Variants in DLGAP4 observed in about 807,000 individuals in gnomAD.
The protein encoded by DLGAP4 is disks large-associated protein 4.
DLGAP4 carries 18 observed loss-of-function variants against 86.9 expected under a neutral mutation model. The ratio of observed to expected loss-of-function variants is 0.21; its 90% CI spans 0.14 to 0.31. DLGAP4 has a LOEUF of 0.31. DLGAP4 is among the 10% of genes least tolerant of loss of function. DLGAP4 has a pLI of 1.00. For missense variants in DLGAP4, 1,085 were observed against 1,362.6 expected (o/e 0.80, Z 3.21); for synonymous variants, 548 against 574.3 (o/e 0.95, Z 0.65).
rs545260216 is a variant in DLGAP4 at position 36,354,803 on chromosome 20, G to A, written c.-303-12242G>A. Among the ~76,000 whole-genome samples, 478 of 152,134 alleles carry A rather than the reference G, an allele frequency of 3.1e-3. 3 individuals are homozygous for A. The highest frequency in any genetic ancestry group is 0.011 in the African/African-American group (465 of 41,492). On this transcript the variant is annotated intron_variant, in intron 1 of 12. Coordinates refer to ENST00000339266, the MANE Select transcript of DLGAP4 (RefSeq NM_001365621.2). Reference sequence around the variant, plus strand: ...AAGAAAAGAAAAAAATTGGCCAGGCGTGGTGGCGTGTGCCTGTAGTCCCAG... The same window carrying A: ...AAGAAAAGAAAAAAATTGGCCAGGCATGGTGGCGTGTGCCTGTAGTCCCAG...
At chr20:36,486,140 T>C (rs1381812200) in intron 7 of DLGAP4, among the ~76,000 whole-genome samples, 2 of 152,196 alleles carry the variant, frequency 1.3e-5, no homozygotes. Flanking sequence ...TCAGTAAATA[T>C]TTACTGAGCC....
At chr20:36,447,241 C>A (rs1319507577) in intron 7 of DLGAP4, among the ~76,000 whole-genome samples, 5 of 152,136 alleles carry the variant, frequency 3.3e-5, no homozygotes, top group African/African-American at 4.8e-5. Flanking sequence ...CTGCTATAGT[C>A]AGGGCTTACT....
At chr20:36,457,925 A>G in intron 7 of DLGAP4, among the ~76,000 whole-genome samples, 1 of 151,206 alleles carries the variant, frequency 6.6e-6, no homozygotes, top group Non-Finnish European at 1.5e-5. Context: ...GAGCCACCAC[A>G]CCCGGATTGA....
intron 7 of DLGAP4, among the ~76,000 whole-genome samples, chr20:36,488,975 A>G (rs1340274853): frequency 1.3e-5 from 2 of 152,356 alleles, no homozygotes; most frequent in East Asian, 1.9e-4. Context: ...ACTTTTCTCC[A>G]TAAGGGACAT....
At chr20:36,497,425 C>T in intron 8 of DLGAP4, 8 of 1,105,762 alleles carry the variant, frequency 7.2e-6, no homozygotes, top group Non-Finnish European at 8.9e-6. Flanking sequence ...GCGGGACTGG[C>T]CTAACAGTTC....
intron 3 of DLGAP4, among the ~76,000 whole-genome samples, chr20:36,433,036 C>G (rs1262533806): frequency 6.6e-6 from 1 of 152,164 alleles, no homozygotes; most frequent in African/African-American, 2.4e-5. Context: ...ATTCTAATTG[C>G]CAGCCTCTCC....
intron 1 of DLGAP4, among the ~76,000 whole-genome samples, chr20:36,323,240 T>A (rs938664100): frequency 2.7e-5 from 4 of 145,728 alleles, no homozygotes; most frequent in Non-Finnish European, 6.1e-5. Context: ...AAAGGCTCTG[T>A]CTTGCCTTTT....
chr20:36,461,658 G>GCCCCCCC (rs770849804), intron 7 of DLGAP4: 17 of 274,470 alleles, frequency 6.2e-5, no homozygotes, highest in Non-Finnish European at 8.4e-5. Context: ...GACGGGGGCC[G>GCCCCCCC]CCCCGCCCGG....
At chr20:36,439,696 C>A in intron 4 of DLGAP4, 58 bp from the exon 5 acceptor site, 1 of 1,509,578 alleles carries the variant, frequency 6.6e-7, no homozygotes, top group Non-Finnish European at 9.1e-7. Flanking sequence ...TCAAGGCCTC[C>A]AAAAGCTGGG....
Position 36,436,237 on chromosome 20 carries a change from G to C in DLGAP4, c.1128G>C (p.Glu376Asp). 1 of 1,605,772 alleles carries C rather than the reference G, an allele frequency of 6.2e-7. No homozygotes were observed. The highest frequency in any genetic ancestry group is 8.5e-7 in the Non-Finnish European group (1 of 1,179,468). The change falls in exon 4 of 13, where the codon GAG becomes GAC. Residue 376 changes from glutamate to aspartate, a missense_variant. Around this residue, in one of 2 missense-constraint regions of DLGAP4, gnomAD observed 1,082 missense variants for 1,344.1 expected, o/e 0.81. Transcript: ENST00000339266. ...GCTACATCAAGGCCATGGGCGACGAGGACAGCGACGAGTCCGGCGGCAGCC... is the reference window on the plus strand; with the variant it reads ...GCTACATCAAGGCCATGGGCGACGACGACAGCGACGAGTCCGGCGGCAGCC... ...SGSYIKAMGD[E>D]DSDESGGSPK... is the part of the protein sequence containing the mutation.
intron 1 of DLGAP4, among the ~76,000 whole-genome samples, chr20:36,356,159 T>G (rs1047114438): frequency 9.2e-5 from 14 of 152,240 alleles, no homozygotes; most frequent in Non-Finnish European, 1.8e-4. Flanking sequence ...TAGGATGTAA[T>G]TGACACATGG....
Position 36,436,288 on chromosome 20 carries a change from G to T in DLGAP4, c.1179G>T (p.Ala393=). The T allele has an allele frequency of 6.2e-7, 1 of 1,604,912 alleles. No homozygotes were observed. ...GSPKPSPKTA[A]RRQSYLRATQ... Reference sequence around the variant, plus strand: ...CCAAGCCCTCACCCAAGACCGCGGCGCGGCGCCAGAGCTATCTGAGGGCCA... The same window carrying T: ...CCAAGCCCTCACCCAAGACCGCGGCTCGGCGCCAGAGCTATCTGAGGGCCA... Residue 393 remains alanine, a synonymous_variant, in exon 4 of 13, where the codon GCG becomes GCT. Coordinates refer to ENST00000339266, the MANE Select transcript of DLGAP4 (RefSeq NM_001365621.2).
In DLGAP4 at chr20:36,431,242, G is replaced by C. The variant is rs563662247; in HGVS notation, c.-72-404G>C. Among the ~76,000 whole-genome samples the C allele has an allele frequency of 2.6e-5, 4 of 152,248 alleles. No homozygotes were observed. The South Asian group carries it at 8.3e-4, about 32-fold the overall frequency. On this transcript the variant is annotated intron_variant, in intron 2 of 12. Transcript: ENST00000339266. This position sits in a 1 kb window ranked among gnomAD's most constrained non-coding sequence, Gnocchi z 5.1. ...CTGTGGACAGAGCTAGGAGATGTGG[G>C]CTGGGGTATTTGCATCTATGTGGAC... is the stretch of plus-strand genomic sequence containing the variant.
chr20:36,423,104 C>T (rs2032873214), intron 2 of DLGAP4, among the ~76,000 whole-genome samples: 1 of 152,114 alleles, frequency 6.6e-6, no homozygotes, highest in Non-Finnish European at 1.5e-5. Context: ...GAGGAGGAAA[C>T]TGAGGCACAG....
intron 1 of DLGAP4, among the ~76,000 whole-genome samples, chr20:36,359,188 C>T (rs1212833920): frequency 6.6e-6 from 1 of 152,156 alleles, no homozygotes; most frequent in Admixed American, 6.5e-5. Context: ...GGCACGATCT[C>T]GGCTCACTGT....
At chr20:36,380,182 C>G (rs1209013479) in intron 2 of DLGAP4, among the ~76,000 whole-genome samples, 1 of 149,834 alleles carries the variant, frequency 6.7e-6, no homozygotes, top group Non-Finnish European at 1.5e-5. Context: ...GACCCCATCT[C>G]TACAAAAAAT....
intron 1 of DLGAP4, among the ~76,000 whole-genome samples, chr20:36,354,654 C>T (rs1223993842): frequency 6.6e-6 from 1 of 152,172 alleles, no homozygotes; most frequent in Non-Finnish European, 1.5e-5. Context: ...TTGCTGGGCA[C>T]AGTGGCTTGT....
chr20:36,522,976 T>C (rs1451220231), intron 10 of DLGAP4, among the ~76,000 whole-genome samples: 1 of 152,156 alleles, frequency 6.6e-6, no homozygotes, highest in Non-Finnish European at 1.5e-5. Context: ...CCCAAGTAGC[T>C]GGGGCTACAG....
rs576834912 is a variant in DLGAP4, at chr20:36,505,974, G to A, written c.2512+5363G>A. 6.2e-4 allele frequency among the ~76,000 whole-genome samples: 95 copies of A among 152,260 alleles called. 1 individual carries two copies. The highest frequency in any genetic ancestry group is 7.2e-4 in the Non-Finnish European group (49 of 68,024). On this transcript the variant is annotated intron_variant, in intron 10 of 12. Coordinates refer to ENST00000339266, the MANE Select transcript of DLGAP4 (RefSeq NM_001365621.2). ...ATTGATACATAAGTAGATCTTTGCAGTGCAAACCTGTGTTGTTCAAGGGTC... is the reference window on the plus strand; with the variant it reads ...ATTGATACATAAGTAGATCTTTGCAATGCAAACCTGTGTTGTTCAAGGGTC...
Sources: allele counts gnomAD v4.1 joint callset (sites outside exome capture counted in the v4.1 genomes callset), GRCh38; gene constraint gnomAD v4.1.1; regional missense constraint gnomAD v4.1.1; non-coding constraint Gnocchi (gnomAD v3.1); transcripts MANE v1.5; gene names NCBI Gene and HGNC (gene_info 2026-07-23, HGNC 2026-07-21).